USH2A: variants seen among roughly 807,000 people sequenced by gnomAD.
The protein encoded by USH2A is Usher syndrome 2A (autosomal recessive, mild).
In USH2A, 443 loss-of-function variants were observed where a neutral mutation model predicts 538.9. That is an observed-to-expected ratio of 0.82 (90% CI 0.76 to 0.89). USH2A has a LOEUF of 0.89. Ranked by LOEUF, USH2A falls within the 40% of genes least tolerant of loss-of-function variation. USH2A has a pLI of 0.00. For synonymous variants in USH2A, 2,413 were observed against 2,273.5 expected (o/e 1.06, Z -1.75); for missense variants, 6,633 against 6,324.8 (o/e 1.05, Z -1.65).
At position 215,674,243 on chromosome 1, in the gene USH2A, C is replaced by T. The variant is rs1300864854; in HGVS notation, c.13668G>A (p.Val4556=). The T allele has an allele frequency of 6.2e-7, 1 of 1,614,134 alleles. No homozygotes were observed. The highest frequency in any genetic ancestry group is 8.5e-7 in the Non-Finnish European group (1 of 1,180,008). The change falls in exon 63 of 72, where the codon GTG becomes GTA. Residue 4556 remains valine, a synonymous_variant. Transcript: ENST00000307340. ...AATTGATGATATCACCATTTGTTCT[C>T]ACTGGAGGGTCCCAGTTCACTAAGA... The part of the protein sequence containing the change: ...QEILVNWDPP[V]RTNGDIINYT...
At chr1:215,909,606 A>C (rs1290217677) in intron 38 of USH2A, among the ~76,000 whole-genome samples, 1 of 151,978 alleles carries the variant, frequency 6.6e-6, no homozygotes, top group Non-Finnish European at 1.5e-5. Flanking sequence ...GTCTACTAAC[A>C]TTTAATGAGA....
rs114496648 is a variant in USH2A, at chr1:216,006,320, G to A, written c.6326-5758C>T. Among the ~76,000 whole-genome samples the A allele has an allele frequency of 2.3e-3, 354 of 152,120 alleles. 3 individuals are homozygous for A. Among genetic ancestry groups the A allele is most frequent in the Middle Eastern group, 6.8e-3 (2 of 294 alleles). On this transcript the variant is annotated intron_variant, in intron 32 of 71. Transcript: ENST00000307340. ...ACATCAATGCAATCACTCCTATGCC[G>A]CTACACAATGTCCAGTCTCTTGGTA...
intron 9 of USH2A, among the ~76,000 whole-genome samples, chr1:216,307,028 G>A (rs989533852): frequency 2.6e-5 from 4 of 151,954 alleles, no homozygotes; most frequent in Non-Finnish European, 4.4e-5. Context: ...AGGAGGTGGC[G>A]CTTTCAAGAG....
At chr1:215,971,061 C>G (rs1216722246) in intron 35 of USH2A, among the ~76,000 whole-genome samples, 1 of 152,040 alleles carries the variant, frequency 6.6e-6, no homozygotes, top group Non-Finnish European at 1.5e-5. Flanking sequence ...CATGTGTGTT[C>G]CAGATCAAAA....
intron 38 of USH2A, among the ~76,000 whole-genome samples, chr1:215,914,626 C>G (rs1398427670): frequency 1.3e-5 from 2 of 152,104 alleles, no homozygotes; most frequent in Non-Finnish European, 2.9e-5. Context: ...AAACCAAGCT[C>G]TAAGTACCTT....
At chr1:215,947,426 A>C (rs1666786534) in intron 37 of USH2A, among the ~76,000 whole-genome samples, 1 of 152,188 alleles carries the variant, frequency 6.6e-6, no homozygotes, top group South Asian at 2.1e-4. Flanking sequence ...TGTAGCTCAC[A>C]TTATATTTCT....
intron 21 of USH2A, among the ~76,000 whole-genome samples, chr1:216,128,905 C>T (rs918608149): frequency 1.3e-5 from 2 of 152,030 alleles, no homozygotes; most frequent in Non-Finnish European, 2.9e-5. Flanking sequence ...CTTTATCCCC[C>T]TCCCCATTTC....
chr1:215,928,342 T>C lies in USH2A; in HGVS notation c.7300+6274A>G, dbSNP rs887104639. On this transcript the variant is annotated intron_variant, in intron 38 of 71. Coordinates refer to ENST00000307340, the MANE Select transcript of USH2A (RefSeq NM_206933.4). ...TTAATTGTCATGTAAGGAAAGATTTTTTTTTATATCTTCTTCAAGGAAAAA... is the reference window on the plus strand; with the variant it reads ...TTAATTGTCATGTAAGGAAAGATTTCTTTTTATATCTTCTTCAAGGAAAAA... Among the ~76,000 whole-genome samples, 18 of 152,192 alleles carry C rather than the reference T, an allele frequency of 1.2e-4. No individual in the cohort carries two copies. The South Asian group carries it at 2.9e-3, about 24-fold the overall frequency.
At chr1:216,084,071 T>C (rs2032038099) in intron 25 of USH2A, among the ~76,000 whole-genome samples, 1 of 152,036 alleles carries the variant, frequency 6.6e-6, no homozygotes, top group South Asian at 2.1e-4. Context: ...ACAAGCCGGG[T>C]GCACCAAGCC....
chr1:216,031,732 T>C (rs1669131817), intron 32 of USH2A, among the ~76,000 whole-genome samples: 1 of 152,234 alleles, frequency 6.6e-6, no homozygotes, highest in African/African-American at 2.4e-5. Flanking sequence ...TATCTCAACA[T>C]AACTTAGCAC....
At chr1:215,747,096 C>T (rs963097506) in intron 58 of USH2A, among the ~76,000 whole-genome samples, 1 of 152,170 alleles carries the variant, frequency 6.6e-6, no homozygotes, top group Non-Finnish European at 1.5e-5. Flanking sequence ...AATGTTTATG[C>T]TGATGTGCCA....
Position 216,321,945 on chromosome 1 carries a change from C to A in USH2A, c.1582G>T (p.Asp528Tyr). ...CQCHGHADNC[D>Y]TTSQPYRCLC... is the part of the protein sequence containing the mutation. ...CATCTATATGGCTGGCTTGTTGTGT[C>A]GCAGTTATCGGCATGACCATGGCAC... is the stretch of plus-strand genomic sequence containing the variant. The change falls in exon 9 of 72, where the codon GAC (aspartate) becomes TAC (tyrosine). Residue 528 changes from aspartate (D) to tyrosine (Y), a missense_variant. By Grantham distance (160) the Asp-to-Tyr change is radical. Coordinates refer to ENST00000307340, the MANE Select transcript of USH2A (RefSeq NM_206933.4). 6.2e-7 allele frequency: 1 copy of A among 1,613,720 alleles called. No homozygotes were observed. Among genetic ancestry groups the A allele is most frequent in the Non-Finnish European group, 8.5e-7 (1 of 1,179,864 alleles).
intron 61 of USH2A, among the ~76,000 whole-genome samples, chr1:215,721,078 T>TTGC: frequency 6.6e-6 from 1 of 152,062 alleles, no homozygotes; most frequent in African/African-American, 2.4e-5. Context: ...TTTGTTGTTG[T>TTGC]TGTTGTTGTT....
intron 64 of USH2A, among the ~76,000 whole-genome samples, chr1:215,652,018 A>AC (rs1657099583): frequency 6.6e-6 from 1 of 152,268 alleles, no homozygotes; most frequent in African/African-American, 2.4e-5. Flanking sequence ...TTACATAGAT[A>AC]CACCTGCTCT....
At chr1:216,370,133 C>T (rs1048476402) in intron 3 of USH2A, among the ~76,000 whole-genome samples, 10 of 151,850 alleles carry the variant, frequency 6.6e-5, no homozygotes, top group South Asian at 6.2e-4. Context: ...CCGAGGTGGG[C>T]GGATCACTTG....
At chr1:216,150,918 T>C (rs539143103) in intron 21 of USH2A, among the ~76,000 whole-genome samples, 4 of 152,246 alleles carry the variant, frequency 2.6e-5, no homozygotes, top group African/African-American at 7.2e-5. Flanking sequence ...TCCAGCTCCA[T>C]ATTACAGACA....
At chr1:216,184,319 T>G (rs1158195926) in intron 20 of USH2A, among the ~76,000 whole-genome samples, 2 of 152,120 alleles carry the variant, frequency 1.3e-5, no homozygotes, top group East Asian at 3.9e-4. Context: ...AGGCTTTGAT[T>G]TTTTTTCCCC....
chr1:216,221,448 T>C (rs1176871009), intron 14 of USH2A, among the ~76,000 whole-genome samples: 1 of 152,178 alleles, frequency 6.6e-6, no homozygotes, highest in Non-Finnish European at 1.5e-5. Context: ...CTGAATTCTC[T>C]TGGAGATGGA....
intron 30 of USH2A, among the ~76,000 whole-genome samples, chr1:216,054,430 C>T (rs1233877255): frequency 6.6e-6 from 1 of 152,128 alleles, no homozygotes; most frequent in Non-Finnish European, 1.5e-5. Context: ...GCTTTTGCAC[C>T]TCTAATGGGA....
Sources: gnomAD v4.1 joint callset for allele counts (sites outside exome capture counted in the v4.1 genomes callset) on GRCh38, gnomAD v4.1.1 for gene constraint, MANE v1.5 for transcripts, NCBI Gene and HGNC (gene_info 2026-07-23, HGNC 2026-07-21) for gene names.